Variants in CRYBG1 observed in about 807,000 individuals in gnomAD.
CRYBG1 encodes beta/gamma crystallin domain-containing protein 1.
CRYBG1 carries 139 observed loss-of-function variants against 189.2 expected under a neutral mutation model. That is an observed-to-expected ratio of 0.73 (90% CI 0.64 to 0.85). CRYBG1 has a LOEUF of 0.85. CRYBG1 is among the 40% of genes least tolerant of loss of function. The probability of loss-of-function intolerance (pLI) is 0.00; values close to 1 mark genes in which losing one functional copy is unlikely to be tolerated. For synonymous variants in CRYBG1, 1,023 were observed against 1,017.1 expected, an observed-to-expected ratio of 1.01 and a Z score of -0.11; for missense variants, 2,611 against 2,675.8, an observed-to-expected ratio of 0.98 and a Z score of 0.53.
At chr6:106,483,740 G>A (rs1290424708) in intron 2 of CRYBG1, among the ~76,000 whole-genome samples, 2 of 151,978 alleles carry the variant, frequency 1.3e-5, no homozygotes, top group Non-Finnish European at 2.9e-5. Flanking sequence ...ACTCATTGTG[G>A]TTTTGATTTC....
chr6:106,521,223 A>T lies in CRYBG1; in HGVS notation c.4015A>T (p.Thr1339Ser). The change falls in exon 4 of 22, where the codon ACC becomes TCC. Residue 1339 changes from threonine to serine, a missense_variant. Thr to Ser is a moderately conservative substitution (Grantham distance 58). Coordinates refer to ENST00000633556, the MANE Select transcript of CRYBG1 (RefSeq NM_001371242.2). ...GGAAAAATACCCGCAAAAAGAGAAA[A>T]CCAAAGAAGATCTGGATTCACGAAG... ...HMEKYPQKEK[T>S]KEDLDSRSNL... is the part of the protein sequence containing the mutation. The T allele has an allele frequency of 6.2e-7, 1 of 1,614,062 alleles. No individual in the cohort carries two copies. Among genetic ancestry groups the T allele is most frequent in the East Asian group, 2.2e-5 (1 of 44,894 alleles).
chr6:106,416,921 T>G (rs1771031881), intron 1 of CRYBG1, among the ~76,000 whole-genome samples: 2 of 152,080 alleles, frequency 1.3e-5, no homozygotes, highest in Admixed American at 1.3e-4. Flanking sequence ...ATTTTCCAGC[T>G]GATTTCTGTG....
intron 2 of CRYBG1, among the ~76,000 whole-genome samples, chr6:106,492,410 G>A (rs1582793678): frequency 6.6e-6 from 1 of 152,238 alleles, no homozygotes. Flanking sequence ...TAATATGAAT[G>A]ATTGTTAGAG....
chr6:106,560,658 T>C, intron 18 of CRYBG1, 145 bp from the exon 19 acceptor site: 1 of 947,870 alleles, frequency 1.1e-6, no homozygotes, highest in Non-Finnish European at 1.4e-6. Context: ...TTCTTTTAAG[T>C]GTTCTAGAAA....
chr6:106,397,407 T>C (rs1292045013), intron 1 of CRYBG1, among the ~76,000 whole-genome samples: 1 of 152,204 alleles, frequency 6.6e-6, no homozygotes, highest in Admixed American at 6.5e-5. Context: ...ATTTTTAATA[T>C]GTGTGTGACT....
chr6:106,541,549 T>C, intron 9 of CRYBG1, 37 bp from the exon 10 acceptor site: 1 of 1,599,316 alleles, frequency 6.3e-7, no homozygotes, highest in Non-Finnish European at 8.6e-7. Flanking sequence ...AATGTATCAG[T>C]GAAAAACTAT....
chr6:106,548,700 T>C (rs1774320270), intron 13 of CRYBG1, among the ~76,000 whole-genome samples: 1 of 152,214 alleles, frequency 6.6e-6, no homozygotes, highest in African/African-American at 2.4e-5. Flanking sequence ...TTCGTTGTTT[T>C]TTTAAAGTCC....
Position 106,568,774 on chromosome 6 carries a change from C to T in CRYBG1, c.*208C>T. On this transcript the variant is annotated 3_prime_UTR_variant, in exon 22 of 22. Transcript: ENST00000633556. ...AGCTTTAAACCAATAATTTGTCCTCCTTTCATTTCTTGCCTTTCATTTTTG... is the reference window on the plus strand; with the variant it reads ...AGCTTTAAACCAATAATTTGTCCTCTTTTCATTTCTTGCCTTTCATTTTTG... 1 of 458,002 alleles carries T rather than the reference C, an allele frequency of 2.2e-6. No individual in the cohort carries two copies. Among genetic ancestry groups the T allele is most frequent in the South Asian group, 4.8e-5 (1 of 20,832 alleles). 28.4% of individuals were successfully genotyped at this position (458,002 alleles called of 1,614,324 possible). A position where few individuals can be genotyped will look rare whatever the true frequency, so the allele number is the denominator to read the frequency against.
chr6:106,519,006 C>T, intron 3 of CRYBG1, 125 bp from the exon 4 acceptor site: 1 of 1,026,376 alleles, frequency 9.7e-7, no homozygotes, highest in Non-Finnish European at 1.4e-6. Context: ...CACACACACA[C>T]ACCACACTCC....
intron 8 of CRYBG1, among the ~76,000 whole-genome samples, chr6:106,536,908 C>T (rs961153872): frequency 1.3e-5 from 2 of 152,166 alleles, no homozygotes; most frequent in African/African-American, 4.8e-5. Context: ...CTTATTGGAA[C>T]AGAATTTAGA....
intron 1 of CRYBG1, among the ~76,000 whole-genome samples, chr6:106,429,583 CA>C (rs1771288837): frequency 6.6e-6 from 1 of 152,168 alleles, no homozygotes; most frequent in African/African-American, 2.4e-5. Context: ...TGAAAGTAAC[CA>C]AATGATGAAA....
chr6:106,503,788 A>G (rs1431255314), intron 2 of CRYBG1, among the ~76,000 whole-genome samples: 1 of 152,206 alleles, frequency 6.6e-6, no homozygotes, highest in Non-Finnish European at 1.5e-5. Context: ...CTTAAAGACA[A>G]TACCAACCCG....
intron 2 of CRYBG1, among the ~76,000 whole-genome samples, chr6:106,489,664 CAA>C (rs75108691): frequency 9.5e-5 from 11 of 115,636 alleles, no homozygotes; most frequent in South Asian, 3.1e-4. Flanking sequence ...ACTAAAAATA[CAA>C]AAAAAAAAAA....
intron 2 of CRYBG1, among the ~76,000 whole-genome samples, chr6:106,488,368 T>C (rs749434257): frequency 6.6e-6 from 1 of 152,218 alleles, no homozygotes; most frequent in Non-Finnish European, 1.5e-5. Context: ...ATAAATGGCC[T>C]GGTTGCTGCA....
At chr6:106,451,895 T>A in intron 2 of CRYBG1, 63 bp downstream of exon 2, 1 of 1,396,004 alleles carries the variant, frequency 7.2e-7, no homozygotes, top group Non-Finnish European at 9.5e-7. Context: ...TAAAGCACTG[T>A]AAGATAGCCT....
At position 106,360,795 on chromosome 6, in the gene CRYBG1, C is replaced by T; in HGVS notation, c.-114C>T. 7.8e-7 allele frequency: 1 copy of T among 1,278,742 alleles called. No individual in the cohort carries two copies. The highest frequency in any genetic ancestry group is 1.0e-6 in the Non-Finnish European group (1 of 970,782). 79.2% of individuals were successfully genotyped at this position (1,278,742 alleles called of 1,614,324 possible). The stretch of plus-strand genomic sequence containing the variant: ...CGCATCCGCGACGAGGGGGCGGGGT[C>T]CCACGGCGCGCTGAGAAAGGCGGGC... On this transcript the variant is annotated 5_prime_UTR_variant, in exon 1 of 22. Transcript: ENST00000633556.
chr6:106,538,809 T>C (rs933499912), intron 8 of CRYBG1, among the ~76,000 whole-genome samples: 7 of 151,222 alleles, frequency 4.6e-5, no homozygotes, highest in Non-Finnish European at 1.0e-4. Context: ...GGCAGTAGAA[T>C]CACTTGAACC....
chr6:106,469,150 C>A (rs565944339), intron 2 of CRYBG1, among the ~76,000 whole-genome samples: 1 of 152,324 alleles, frequency 6.6e-6, no homozygotes, highest in South Asian at 2.1e-4. Context: ...ACACACAGAA[C>A]CCTTTCTTGC....
chr6:106,519,107 T>C, intron 3 of CRYBG1, 24 bp from the exon 4 acceptor site: 1 of 1,580,464 alleles, frequency 6.3e-7, no homozygotes, highest in Non-Finnish European at 8.6e-7. Flanking sequence ...TCAATAACTT[T>C]ATCTTCCTGC....
Sources: gnomAD v4.1 joint callset for allele counts (sites outside exome capture counted in the v4.1 genomes callset) on GRCh38, gnomAD v4.1.1 for gene constraint, MANE v1.5 for transcripts, NCBI Gene and HGNC (gene_info 2026-07-23, HGNC 2026-07-21) for gene names.